ATAD1: variants seen among roughly 807,000 people sequenced by gnomAD.
ATAD1 encodes ATPase family AAA domain containing 1, also known as outer mitochondrial transmembrane helix translocase.
Under a neutral mutation model 42.7 loss-of-function variants are expected in ATAD1, and 18 were observed. The ratio of observed to expected loss-of-function variants is 0.42; its 90% CI spans 0.29 to 0.63. The LOEUF (loss-of-function observed/expected upper bound fraction) is 0.63. ATAD1 is among the 20% of genes least tolerant of loss of function. The probability of loss-of-function intolerance (pLI) is 0.19; values close to 1 mark genes in which losing one functional copy is unlikely to be tolerated. For missense variants in ATAD1, 294 were observed against 440.4 expected (o/e 0.67, Z 2.98); for synonymous variants, 132 against 143.1 (o/e 0.92, Z 0.55).
At chr10:87,817,666 G>A in intron 1 of ATAD1, 1 of 933,140 alleles carries the variant, frequency 1.1e-6, no homozygotes, top group Non-Finnish European at 1.3e-6. Context: ...GACAATGAAG[G>A]CCTGCCAATC....
intron 7 of ATAD1, among the ~76,000 whole-genome samples, chr10:87,768,859 G>C (rs1042299582): frequency 2.0e-5 from 3 of 152,168 alleles, no homozygotes; most frequent in Admixed American, 2.0e-4. Flanking sequence ...AAAGGTAGGA[G>C]GGTCCCTTGA....
At chr10:87,765,922 A>T (rs559785899) in intron 8 of ATAD1, among the ~76,000 whole-genome samples, 4 of 152,066 alleles carry the variant, frequency 2.6e-5, no homozygotes, top group Non-Finnish European at 4.4e-5. Context: ...ACATGCCTGT[A>T]ATCTGCTTGG....
At chr10:87,795,018 G>A (rs1252951308) in intron 2 of ATAD1, among the ~76,000 whole-genome samples, 3 of 152,106 alleles carry the variant, frequency 2.0e-5, no homozygotes, top group Non-Finnish European at 1.5e-5. Flanking sequence ...ACTGTGCTAG[G>A]TAATTTATAA....
upstream of ATAD1, among the ~76,000 whole-genome samples, chr10:87,821,074 T>C (rs1857622636): frequency 6.6e-6 from 1 of 152,172 alleles, no homozygotes; most frequent in Non-Finnish European, 1.5e-5. Context: ...GGGTTTTGTG[T>C]GTGTGTGTTT....
intron 9 of ATAD1, among the ~76,000 whole-genome samples, chr10:87,756,254 G>A (rs1854218526): frequency 6.6e-6 from 1 of 152,186 alleles, no homozygotes; most frequent in South Asian, 2.1e-4. Flanking sequence ...AAGAAATGCA[G>A]TATAATACTG....
At chr10:87,818,376 G>A (rs1056505566), upstream of ATAD1, 2 of 480,654 alleles carry the variant, frequency 4.2e-6, no homozygotes, top group African/African-American at 4.2e-5. Flanking sequence ...GTCTGCTTAA[G>A]CTACCTGCTA....
chr10:87,823,280 C>T (rs1389918882), intron 1 of ATAD1, among the ~76,000 whole-genome samples: 2 of 152,100 alleles, frequency 1.3e-5, no homozygotes, highest in Non-Finnish European at 2.9e-5. Flanking sequence ...ACCTTTTTCT[C>T]AAGCAGCATT....
upstream of ATAD1, chr10:87,818,387 G>T: frequency 2.5e-6 from 1 of 399,004 alleles, no homozygotes; most frequent in Non-Finnish European, 3.4e-6. Flanking sequence ...CTACCTGCTA[G>T]ACTGAGACTT....
intron 1 of ATAD1, chr10:87,817,863 C>G (rs752572758): frequency 7.0e-5 from 69 of 985,454 alleles, no homozygotes; most frequent in Non-Finnish European, 7.7e-5. Context: ...ACCTCAAACC[C>G]CCACAGTGAC....
At chr10:87,808,240 C>T (rs1857014107) in intron 2 of ATAD1, among the ~76,000 whole-genome samples, 1 of 151,790 alleles carries the variant, frequency 6.6e-6, no homozygotes, top group Non-Finnish European at 1.5e-5. Flanking sequence ...CCAATCCCCA[C>T]CTTTTTGACT....
intron 2 of ATAD1, among the ~76,000 whole-genome samples, chr10:87,794,543 T>G (rs1379839639): frequency 6.6e-6 from 1 of 152,216 alleles, no homozygotes; most frequent in African/African-American, 2.4e-5. Context: ...TGGAAATACT[T>G]CTGGTTGTCA....
chr10:87,770,477 T>A (rs1196898035), intron 7 of ATAD1, among the ~76,000 whole-genome samples: 1 of 152,266 alleles, frequency 6.6e-6, no homozygotes, highest in Non-Finnish European at 1.5e-5. Context: ...ATTCTTAAGG[T>A]AAACTATGAT....
rs1854025266 is a variant in ATAD1, at chr10:87,751,582, A to T, written c.*3105T>A. On this transcript the variant is annotated 3_prime_UTR_variant, in exon 10 of 10. Coordinates refer to ENST00000680024, the MANE Select transcript of ATAD1 (RefSeq NM_001321967.2). ...ATGATTTTCATTAACATCATGATTT[A>T]GGCAGAATGTTTTCCTATACATGTA... 6.6e-6 allele frequency: 1 copy of T among 152,198 alleles called. No individual in the cohort carries two copies. The highest frequency in any genetic ancestry group is 1.5e-5 in the Non-Finnish European group (1 of 68,024). 9.4% of individuals were successfully genotyped at this position (152,198 alleles called of 1,614,324 possible).
intron 8 of ATAD1, among the ~76,000 whole-genome samples, chr10:87,766,019 C>G (rs1038800015): frequency 6.6e-6 from 1 of 151,460 alleles, no homozygotes; most frequent in African/African-American, 2.4e-5. Flanking sequence ...GGCTAGGCAA[C>G]AGAGAGAGAT....
chr10:87,765,857 A>G (rs1184160214), intron 8 of ATAD1, among the ~76,000 whole-genome samples: 1 of 151,948 alleles, frequency 6.6e-6, no homozygotes, highest in Non-Finnish European at 1.5e-5. Flanking sequence ...GCAAGATACC[A>G]TCTCAACAAA....
chr10:87,817,997 C>A, intron 1 of ATAD1, 170 bp downstream of exon 1: 25 of 985,660 alleles, frequency 2.5e-5, no homozygotes, highest in Non-Finnish European at 2.7e-5. Flanking sequence ...GAGGTTAATC[C>A]TCTAGATACT....
chr10:87,773,002 G>A (rs1255436039), intron 6 of ATAD1, among the ~76,000 whole-genome samples: 1 of 151,974 alleles, frequency 6.6e-6, no homozygotes, highest in East Asian at 1.9e-4. Context: ...CAAGAATCAT[G>A]GCCTCCAGCT....
intron 2 of ATAD1, among the ~76,000 whole-genome samples, chr10:87,812,740 T>A (rs1355446442): frequency 6.6e-6 from 1 of 152,226 alleles, no homozygotes; most frequent in African/African-American, 2.4e-5. Flanking sequence ...TTTCAGTTGA[T>A]GATGGATTCT....
chr10:87,763,848 T>TA (rs1397690679), intron 8 of ATAD1, among the ~76,000 whole-genome samples: 1 of 152,132 alleles, frequency 6.6e-6, no homozygotes, highest in Non-Finnish European at 1.5e-5. Context: ...ATATATGCCT[T>TA]TGGGCAGAAA....
Sources: gnomAD v4.1 joint callset for allele counts (sites outside exome capture counted in the v4.1 genomes callset) on GRCh38, gnomAD v4.1.1 for gene constraint, MANE v1.5 for transcripts, NCBI Gene and HGNC (gene_info 2026-07-23, HGNC 2026-07-21) for gene names.